The following MEP1A variants were observed in gnomAD, a reference collection of about 807,000 sequenced individuals.
MEP1A encodes N-benzoyl-L-tyrosyl-P-amino-benzoic acid hydrolase subunit alpha.
A neutral mutation model predicts 84.5 loss-of-function variants in MEP1A; 68 were observed. That is an observed-to-expected ratio of 0.80 (90% CI 0.66 to 0.98). MEP1A has a LOEUF of 0.98. Among genes scored for constraint, MEP1A ranks in the 50% least tolerant of loss-of-function variants. MEP1A has a pLI of 0.00. For synonymous variants in MEP1A, 337 were observed against 336.8 expected (o/e 1.00, Z -0.01); for missense variants, 887 against 919.9 (o/e 0.96, Z 0.46).
chr6:46,824,391 ATAT>A (rs1363160900), intron 7 of MEP1A, among the ~76,000 whole-genome samples: 1 of 147,716 alleles, frequency 6.8e-6, no homozygotes, highest in Non-Finnish European at 1.5e-5. Flanking sequence ...AGTTATTACA[ATAT>A]TATATATGTT....
downstream of MEP1A, among the ~76,000 whole-genome samples, chr6:46,842,512 C>T (rs1482901150): frequency 6.6e-6 from 1 of 152,132 alleles, no homozygotes; most frequent in Non-Finnish European, 1.5e-5. Context: ...CCTGCAGTAC[C>T]CTCAGGCTTA....
chr6:46,816,705 A>G (rs1340647957), intron 6 of MEP1A, among the ~76,000 whole-genome samples: 1 of 152,126 alleles, frequency 6.6e-6, no homozygotes, highest in Non-Finnish European at 1.5e-5. Context: ...TTTTCATGTC[A>G]GGAGCTTTTC....
intron 5 of MEP1A, among the ~76,000 whole-genome samples, chr6:46,807,560 G>A (rs1767363306): frequency 1.6e-5 from 1 of 63,022 alleles, no homozygotes. Context: ...AAGAAAGAAA[G>A]AAAGAAAGGA....
intron 7 of MEP1A, among the ~76,000 whole-genome samples, chr6:46,819,976 A>G (rs947248472): frequency 1.3e-5 from 2 of 151,712 alleles, no homozygotes; most frequent in African/African-American, 4.9e-5. Context: ...TTTCATTAAA[A>G]CTCTATCTAA....
intron 6 of MEP1A, among the ~76,000 whole-genome samples, chr6:46,818,106 A>T (rs976984500): frequency 6.6e-6 from 1 of 152,204 alleles, no homozygotes; most frequent in African/African-American, 2.4e-5. Context: ...TTGCAGAGTA[A>T]ACTCTGATTT....
At chr6:46,830,247 T>TAAAA (rs56033423) in intron 10 of MEP1A, among the ~76,000 whole-genome samples, 82 of 50,098 alleles carry the variant, frequency 1.6e-3, no homozygotes, top group African/African-American at 6.3e-3. Context: ...AGACTCCATC[T>TAAAA]AAAAAAAAAA....
downstream of MEP1A, among the ~76,000 whole-genome samples, chr6:46,840,949 A>G (rs569064715): frequency 5.2e-4 from 79 of 152,302 alleles, no homozygotes; most frequent in African/African-American, 1.8e-3. Flanking sequence ...CATGCCCTTA[A>G]CACTCTGCTC....
intron 6 of MEP1A, among the ~76,000 whole-genome samples, chr6:46,810,775 G>C (rs1767478615): frequency 6.6e-6 from 1 of 152,038 alleles, no homozygotes; most frequent in African/African-American, 2.4e-5. Context: ...TCAGTTGGCT[G>C]TAAGTATTTG....
intron 6 of MEP1A, among the ~76,000 whole-genome samples, chr6:46,815,403 C>T (rs1418474150): frequency 1.3e-5 from 2 of 152,196 alleles, no homozygotes; most frequent in Non-Finnish European, 2.9e-5. Context: ...CACCCTGCTC[C>T]CATGCAGCCC....
chr6:46,841,304 TTAATGGAAACCTCTGTTGATTG>T (rs1768327388), downstream of MEP1A, among the ~76,000 whole-genome samples: 1 of 21,546 alleles, frequency 4.6e-5, no homozygotes, highest in African/African-American at 1.4e-4. Context: ...CTTTTGATGA[TTAATGGAAACCTCTGTTGATTG>T]ATTAATGGAA....
intron 5 of MEP1A, 104 bp from the exon 6 acceptor site, chr6:46,809,316 C>T (rs1378958989): frequency 7.0e-6 from 5 of 717,488 alleles, no homozygotes; most frequent in Non-Finnish European, 1.1e-5. Flanking sequence ...TATCATGCAC[C>T]TCTGTGGATT....
intron 6 of MEP1A, among the ~76,000 whole-genome samples, chr6:46,818,121 A>G (rs1021905803): frequency 3.9e-5 from 6 of 152,234 alleles, no homozygotes; most frequent in Non-Finnish European, 8.8e-5. Context: ...TGATTTGGTA[A>G]TAAAATGCCA....
intron 3 of MEP1A, among the ~76,000 whole-genome samples, chr6:46,796,356 T>TATC (rs1426323362): frequency 6.6e-5 from 10 of 152,166 alleles, no homozygotes; most frequent in African/African-American, 2.4e-4. Flanking sequence ...TCCCTCACTC[T>TATC]ATCATATTTC....
chr6:46,812,135 A>T (rs1159447842), intron 6 of MEP1A, among the ~76,000 whole-genome samples: 1 of 151,924 alleles, frequency 6.6e-6, no homozygotes, highest in African/African-American at 2.4e-5. Context: ...TTGAATTGCC[A>T]TTTCAATCTC....
chr6:46,829,668 T>C (rs1581686416), intron 10 of MEP1A, 97 bp downstream of exon 10: 3 of 845,202 alleles, frequency 3.5e-6, no homozygotes, highest in East Asian at 4.9e-5. Flanking sequence ...CTCCTTCTTC[T>C]CTCTCCTCCT....
chr6:46,807,823 G>GAA (rs1222515993), intron 5 of MEP1A, among the ~76,000 whole-genome samples: 1 of 149,014 alleles, frequency 6.7e-6, no homozygotes, highest in Non-Finnish European at 1.5e-5. Flanking sequence ...AAGAAAGAAA[G>GAA]AAAGAAAGAA....
At chr6:46,795,352 G>A (rs1767027563) in intron 3 of MEP1A, among the ~76,000 whole-genome samples, 1 of 152,108 alleles carries the variant, frequency 6.6e-6, no homozygotes, top group South Asian at 2.1e-4. Flanking sequence ...CCAGGCTCGA[G>A]TGCAGTGGTG....
At chr6:46,814,567 C>T (rs1446037882) in intron 6 of MEP1A, among the ~76,000 whole-genome samples, 1 of 152,104 alleles carries the variant, frequency 6.6e-6, no homozygotes, top group African/African-American at 2.4e-5. Flanking sequence ...ATTTTGTCTT[C>T]ATTTGGCTCC....
At chr6:46,820,813 C>A (rs1767754637) in intron 7 of MEP1A, among the ~76,000 whole-genome samples, 1 of 151,684 alleles carries the variant, frequency 6.6e-6, no homozygotes, top group Non-Finnish European at 1.5e-5. Flanking sequence ...TCTGAAGATA[C>A]CTAGTTTTTA....
Sources: gnomAD v4.1 joint callset for allele counts (sites outside exome capture counted in the v4.1 genomes callset) on GRCh38, gnomAD v4.1.1 for gene constraint, MANE v1.5 for transcripts, NCBI Gene and HGNC (gene_info 2026-07-23, HGNC 2026-07-21) for gene names.